The following UNC13C variants were observed in gnomAD, a reference collection of about 807,000 sequenced individuals.
The protein encoded by UNC13C is unc-13 homolog C.
In UNC13C, 174 loss-of-function variants were observed where a neutral mutation model predicts 245.4. The observed-to-expected ratio is 0.71, with a 90% CI of 0.63 to 0.80. The LOEUF is 0.80. Ranked by LOEUF, UNC13C falls within the 30% of genes least tolerant of loss-of-function variation. The pLI is 0.00. For synonymous variants in UNC13C, 992 were observed against 895.1 expected, an observed-to-expected ratio of 1.11 and a Z score of -1.93; for missense variants, 2,829 against 2,602.9, an observed-to-expected ratio of 1.09 and a Z score of -1.89.
chr15:54,611,801 AC>A (rs1486835680), intron 30 of UNC13C, among the ~76,000 whole-genome samples: 1 of 152,188 alleles, frequency 6.6e-6, no homozygotes, highest in Non-Finnish European at 1.5e-5. Flanking sequence ...AATAGAAAAT[AC>A]AGAGTATAAA....
At chr15:53,857,115 ACCTAACTTC>A in the UNC13C span, among the ~76,000 whole-genome samples, 1 of 151,804 alleles carries the variant, frequency 6.6e-6, no homozygotes, top group Non-Finnish European at 1.5e-5. Flanking sequence ...CTATTTCTGT[ACCTAACTTC>A]CATTTTCTGT....
chr15:53,842,356 C>G, the UNC13C span, among the ~76,000 whole-genome samples: 1 of 152,174 alleles, frequency 6.6e-6, no homozygotes, highest in Non-Finnish European at 1.5e-5. Flanking sequence ...TTTCTGGCCA[C>G]TAGCATTCTG....
chr15:53,947,969 TTTAA>T, the UNC13C span: 1 of 152,244 alleles, frequency 6.6e-6, no homozygotes, highest in Non-Finnish European at 1.5e-5. Flanking sequence ...TGAATTAAAA[TTTAA>T]TTGTTTTAAC....
At chr15:53,915,497 C>T in the UNC13C span, among the ~76,000 whole-genome samples, 29 of 152,152 alleles carry the variant, frequency 1.9e-4, no homozygotes, top group East Asian at 5.8e-4. Context: ...ATTAGTATTA[C>T]AGCACTTATG....
chr15:54,367,048 A>G (rs764965981), intron 17 of UNC13C, among the ~76,000 whole-genome samples: 1 of 152,214 alleles, frequency 6.6e-6, no homozygotes, highest in African/African-American at 2.4e-5. Flanking sequence ...TTAATTATGC[A>G]TAAGATCAGG....
At chr15:54,001,484 T>C (rs1328576198) in intron 1 of UNC13C, among the ~76,000 whole-genome samples, 3 of 152,220 alleles carry the variant, frequency 2.0e-5, no homozygotes, top group East Asian at 1.9e-4. Flanking sequence ...CTAATGCAAC[T>C]GAGCAGCTTG....
chr15:54,295,649 TA>T lies in UNC13C; in HGVS notation c.3988+1595del, dbSNP rs11434084. Among the ~76,000 whole-genome samples, 19 of 141,390 alleles carry T rather than the reference TA, an allele frequency of 1.3e-4. No homozygotes were observed. The South Asian group carries it at 2.8e-3, about 21-fold the overall frequency. The allele number at this position is 141,390 out of a possible 152,430, so 92.8% of individuals were successfully genotyped here. On this transcript the variant is annotated intron_variant, in intron 11 of 32. Transcript: ENST00000260323. ...GCCTGGGTCACAGAGTGAGACCTTG[TA>T]AAAAAAAAATAAATACATAAGAAGA...
intron 30 of UNC13C, among the ~76,000 whole-genome samples, chr15:54,610,055 T>A (rs1181733297): frequency 6.6e-6 from 1 of 152,146 alleles, no homozygotes; most frequent in Non-Finnish European, 1.5e-5. Context: ...GGAACCGCAA[T>A]TCAAGATGAG....
At chr15:54,517,672 A>C (rs372156925) in intron 24 of UNC13C, among the ~76,000 whole-genome samples, 9 of 152,180 alleles carry the variant, frequency 5.9e-5, no homozygotes, top group Admixed American at 5.2e-4. Context: ...CATTCAACAA[A>C]TATTTATTTG....
intron 19 of UNC13C, among the ~76,000 whole-genome samples, chr15:54,447,915 G>C (rs60315963): frequency 6.6e-6 from 1 of 152,090 alleles, no homozygotes; most frequent in African/African-American, 2.4e-5. Flanking sequence ...GCATTTAGTG[G>C]TATAAATTTC....
chr15:53,854,798 G>A, the UNC13C span, among the ~76,000 whole-genome samples: 1 of 152,252 alleles, frequency 6.6e-6, no homozygotes, highest in Non-Finnish European at 1.5e-5. Context: ...TGTTCCATAT[G>A]AAGTTTAAAG....
chr15:54,491,128 C>T (rs1893681911), intron 19 of UNC13C, among the ~76,000 whole-genome samples: 1 of 152,096 alleles, frequency 6.6e-6, no homozygotes, highest in African/African-American at 2.4e-5. Context: ...AGAGACACAC[C>T]CAGTAAACAT....
chr15:54,421,267 A>G (rs1447664240), intron 19 of UNC13C, among the ~76,000 whole-genome samples: 1 of 151,996 alleles, frequency 6.6e-6, no homozygotes, highest in Non-Finnish European at 1.5e-5. Flanking sequence ...AACATTAATT[A>G]CATTTTGGTG....
At chr15:54,016,858 A>G (rs1428076503) in intron 2 of UNC13C, among the ~76,000 whole-genome samples, 1 of 152,180 alleles carries the variant, frequency 6.6e-6, no homozygotes, top group Non-Finnish European at 1.5e-5. Flanking sequence ...GATTGTCATC[A>G]TTAATTAAGC....
At chr15:54,282,764 G>A (rs1264768808) in intron 10 of UNC13C, among the ~76,000 whole-genome samples, 1 of 152,110 alleles carries the variant, frequency 6.6e-6, no homozygotes, top group Non-Finnish European at 1.5e-5. Context: ...GACAATTGAA[G>A]GATGGTGAAG....
chr15:54,396,320 T>C (rs574113444), intron 18 of UNC13C, among the ~76,000 whole-genome samples: 1 of 151,850 alleles, frequency 6.6e-6, no homozygotes, highest in South Asian at 2.1e-4. Flanking sequence ...AGTTTGGAAA[T>C]GTTATCATTA....
intron 26 of UNC13C, among the ~76,000 whole-genome samples, chr15:54,541,454 C>A (rs985748376): frequency 5.3e-5 from 8 of 151,994 alleles, no homozygotes; most frequent in Non-Finnish European, 1.0e-4. Context: ...AGGTTTAATT[C>A]ACTTAGAGAC....
intron 4 of UNC13C, among the ~76,000 whole-genome samples, chr15:54,212,073 T>A (rs2034897452): frequency 6.6e-6 from 1 of 152,112 alleles, no homozygotes; most frequent in South Asian, 2.1e-4. Flanking sequence ...CACTAACATA[T>A]TTTGGGACCA....
intron 11 of UNC13C, among the ~76,000 whole-genome samples, chr15:54,296,378 T>A (rs564189694): frequency 1.5e-4 from 18 of 117,988 alleles, no homozygotes; most frequent in East Asian, 6.9e-4. Flanking sequence ...TTTTTTTTTT[T>A]TTTTATTTTT....
Sources: gnomAD v4.1 joint callset for allele counts (sites outside exome capture counted in the v4.1 genomes callset) on GRCh38, gnomAD v4.1.1 for gene constraint, MANE v1.5 for transcripts, NCBI Gene and HGNC (gene_info 2026-07-23, HGNC 2026-07-21) for gene names.